Variants in SOS2 observed in about 807,000 individuals in gnomAD.
SOS2 encodes the protein SOS Ras/Rho guanine nucleotide exchange factor 2, also known as son of sevenless homolog 2.
SOS2 carries 65 observed loss-of-function variants against 148.2 expected under a neutral mutation model. That is an observed-to-expected ratio of 0.44 (90% CI 0.36 to 0.54). SOS2 has a LOEUF of 0.54. Among genes scored for constraint, SOS2 ranks in the 20% least tolerant of loss-of-function variants. The pLI, the probability that SOS2 is intolerant of heterozygous loss-of-function variation, is 0.00. For missense variants in SOS2, 1,341 were observed against 1,590.2 expected (o/e 0.84, Z 2.67); for synonymous variants, 539 against 537.1 (o/e 1.00, Z -0.05).
intron 1 of SOS2, among the ~76,000 whole-genome samples, chr14:50,205,500 G>A (rs981268481): frequency 6.6e-6 from 1 of 152,140 alleles, no homozygotes; most frequent in Non-Finnish European, 1.5e-5. Flanking sequence ...TTTATTTGAA[G>A]TCTCAAAATT....
chr14:50,187,703 CAT>C (rs1885961543), intron 5 of SOS2, among the ~76,000 whole-genome samples: 1 of 152,128 alleles, frequency 6.6e-6, no homozygotes, highest in Non-Finnish European at 1.5e-5. Flanking sequence ...AAAAATAAAT[CAT>C]GTGATAAAAG....
rs1400766694 is a variant in SOS2 at position 50,152,176 on chromosome 14, A to G, written c.2161+894T>C. ...ACAAGTAGAACACGAAATAAGTTAC[A>G]CTTGTTATAGTATTTGTAATGCCCT... On this transcript the variant is annotated intron_variant, in intron 13 of 22. Coordinates refer to ENST00000216373, the MANE Select transcript of SOS2 (RefSeq NM_006939.4). 2.0e-5 allele frequency among the ~76,000 whole-genome samples: 3 copies of G among 152,342 alleles called. No individual in the cohort carries two copies. In the East Asian group the frequency reaches 5.8e-4, roughly 29 times the overall value.
intron 14 of SOS2, among the ~76,000 whole-genome samples, chr14:50,146,770 A>G (rs957539650): frequency 2.0e-5 from 3 of 152,254 alleles, no homozygotes; most frequent in Non-Finnish European, 2.9e-5. Context: ...GAGTATAAAT[A>G]TAACGGAACA....
At chr14:50,208,700 T>C (rs980060007) in intron 1 of SOS2, among the ~76,000 whole-genome samples, 2 of 152,238 alleles carry the variant, frequency 1.3e-5, no homozygotes, top group South Asian at 2.1e-4. Context: ...TAGTTAATAG[T>C]AAGACAAGAC....
At position 50,118,182 on chromosome 14, in the gene SOS2, G is replaced by C. The variant is rs1883354577; in HGVS notation, c.*162C>G. On this transcript the variant is annotated 3_prime_UTR_variant, in exon 23 of 23. Transcript: ENST00000216373. ...CTGAGGATAATGGTGAAGGACTTTTGTATTTTTATTTTTCCAATTCTTAAA... is the reference window on the plus strand; with the variant it reads ...CTGAGGATAATGGTGAAGGACTTTTCTATTTTTATTTTTCCAATTCTTAAA... The C allele has an allele frequency of 3.1e-6, 2 of 653,710 alleles. No individual in the cohort carries two copies. Among genetic ancestry groups the C allele is most frequent in the Admixed American group, 3.1e-5 (1 of 32,406 alleles). The allele number at this position is 653,710 out of a possible 1,614,324, so 40.5% of individuals were successfully genotyped here. A position where few individuals can be genotyped will look rare whatever the true frequency, so the allele number is the denominator to read the frequency against.
Position 50,118,802 on chromosome 14 carries a change from G to C in SOS2, c.3541C>G (p.Pro1181Ala). Reference sequence around the variant, plus strand: ...ACTCTGGGTTTTACCTTTGGAGGAGGAGGCTGTCTCGGTGGAATAGCAGGA... The same window carrying C: ...ACTCTGGGTTTTACCTTTGGAGGAGCAGGCTGTCTCGGTGGAATAGCAGGA... ...DPPAIPPRQPPPPKVKPRVPV... is the reference protein window; with the variant it reads ...DPPAIPPRQPAPPKVKPRVPV... The change falls in exon 23 of 23, where the codon CCT becomes GCT. Residue 1181 changes from proline to alanine, a missense_variant. Pro to Ala is a conservative substitution (Grantham distance 27). This residue lies in a region of SOS2 where 354 missense variants were observed against 347.7 expected (regional missense o/e 1.02). Coordinates refer to ENST00000216373, the MANE Select transcript of SOS2 (RefSeq NM_006939.4). 1 of 1,562,282 alleles carries C rather than the reference G, an allele frequency of 6.4e-7. No homozygotes were observed. The highest frequency in any genetic ancestry group is 2.3e-5 in the East Asian group (1 of 43,684).
intron 7 of SOS2, among the ~76,000 whole-genome samples, chr14:50,178,521 T>C (rs964223305): frequency 2.0e-5 from 3 of 151,726 alleles, no homozygotes; most frequent in African/African-American, 7.3e-5. Context: ...TTGAGTGCAG[T>C]GTTGCAATCT....
chr14:50,137,549 C>CT (rs777400277), intron 18 of SOS2, among the ~76,000 whole-genome samples: 2 of 152,094 alleles, frequency 1.3e-5, no homozygotes, highest in Non-Finnish European at 2.9e-5. Context: ...TGTAGAATGT[C>CT]TAATGTTTAA....
At chr14:50,126,729 T>G (rs764698631) in intron 21 of SOS2, among the ~76,000 whole-genome samples, 17 of 150,330 alleles carry the variant, frequency 1.1e-4, no homozygotes, top group Non-Finnish European at 2.1e-4. Flanking sequence ...CAAGAGGTGA[T>G]AAAAGACAAG....
chr14:50,151,998 T>G (rs1008542695), intron 13 of SOS2, among the ~76,000 whole-genome samples: 8 of 152,146 alleles, frequency 5.3e-5, no homozygotes, highest in African/African-American at 1.9e-4. Flanking sequence ...TGCTGGGATA[T>G]TCTAGGTGTG....
chr14:50,155,348 C>T (rs1254394084), intron 12 of SOS2, among the ~76,000 whole-genome samples: 1 of 152,136 alleles, frequency 6.6e-6, no homozygotes, highest in East Asian at 1.9e-4. Flanking sequence ...CAATACAATG[C>T]CTACATTCCT....
At chr14:50,119,802 C>CTT (rs1883437086) in intron 22 of SOS2, among the ~76,000 whole-genome samples, 7 of 126,030 alleles carry the variant, frequency 5.6e-5, no homozygotes, top group African/African-American at 1.9e-4. Flanking sequence ...TCCCAACCAG[C>CTT]CTTTTTTTTT....
chr14:50,157,389 T>C (rs1884854589), intron 11 of SOS2, among the ~76,000 whole-genome samples: 1 of 152,140 alleles, frequency 6.6e-6, no homozygotes, highest in African/African-American at 2.4e-5. Context: ...AAAGAATTCA[T>C]AAGGAATTTA....
At chr14:50,128,453 C>T (rs762304051) in intron 21 of SOS2, among the ~76,000 whole-genome samples, 1 of 152,036 alleles carries the variant, frequency 6.6e-6, no homozygotes. Context: ...CAAATCTAAA[C>T]ATTAATGAGG....
At chr14:50,193,614 A>G (rs1006897467) in intron 4 of SOS2, among the ~76,000 whole-genome samples, 11 of 152,274 alleles carry the variant, frequency 7.2e-5, no homozygotes, top group African/African-American at 2.6e-4. Context: ...ATATTCAAAT[A>G]ATTTATTAAA....
At chr14:50,217,707 A>G (rs1887074710) in intron 1 of SOS2, among the ~76,000 whole-genome samples, 1 of 152,218 alleles carries the variant, frequency 6.6e-6, no homozygotes. Flanking sequence ...CTGTAATCCC[A>G]GCACTTTGGG....
At chr14:50,140,543 A>C (rs1459899812) in intron 16 of SOS2, among the ~76,000 whole-genome samples, 1 of 152,216 alleles carries the variant, frequency 6.6e-6, no homozygotes, top group Non-Finnish European at 1.5e-5. Context: ...TTGAAAATTA[A>C]TTTTTACTTC....
chr14:50,157,130 A>C lies in SOS2; in HGVS notation c.1935-9T>G. On this transcript the variant is annotated splice_polypyrimidine_tract_variant and intron_variant, in intron 11 of 22. Coordinates refer to ENST00000216373, the MANE Select transcript of SOS2 (RefSeq NM_006939.4). ...GCTCTGGAATTTCAAACCTAAGAAGAAAAGCAAAAGGAGAAAAATCCGTTC... is the reference window on the plus strand; with the variant it reads ...GCTCTGGAATTTCAAACCTAAGAAGCAAAGCAAAAGGAGAAAAATCCGTTC... 1 of 1,608,136 alleles carries C rather than the reference A, an allele frequency of 6.2e-7. No homozygotes were observed. Among genetic ancestry groups the C allele is most frequent in the Non-Finnish European group, 8.5e-7 (1 of 1,177,390 alleles).
intron 8 of SOS2, among the ~76,000 whole-genome samples, chr14:50,173,977 T>C (rs1885447456): frequency 6.6e-6 from 1 of 152,144 alleles, no homozygotes; most frequent in African/African-American, 2.4e-5. Context: ...AAAAAAAATT[T>C]TCCCCTACCT....
Sources: gnomAD v4.1 joint callset for allele counts (sites outside exome capture counted in the v4.1 genomes callset) on GRCh38, gnomAD v4.1.1 for gene constraint, gnomAD v4.1.1 regional missense constraint, MANE v1.5 for transcripts, NCBI Gene and HGNC (gene_info 2026-07-23, HGNC 2026-07-21) for gene names.